NLRC5: variants seen among roughly 807,000 people sequenced by gnomAD.
NLRC5 encodes the protein NLR family CARD domain containing 5, also known as protein NLRC5.
A neutral mutation model predicts 206.9 loss-of-function variants in NLRC5; 114 were observed. The ratio of observed to expected loss-of-function variants is 0.55; its 90% CI spans 0.47 to 0.64. NLRC5 has a LOEUF of 0.64. Ranked by LOEUF, NLRC5 falls within the 30% of genes least tolerant of loss-of-function variation. NLRC5 has a pLI of 0.00. For missense variants in NLRC5, 2,008 were observed against 2,305.5 expected (o/e 0.87, Z 2.64); for synonymous variants, 952 against 962.8 (o/e 0.99, Z 0.21).
chr16:57,051,019 A>T (rs2064825281), intron 23 of NLRC5, among the ~76,000 whole-genome samples: 1 of 150,204 alleles, frequency 6.7e-6, no homozygotes, highest in African/African-American at 2.5e-5. Flanking sequence ...CGCCTGGCTA[A>T]TTTTTTTTTC....
Position 57,043,527 on chromosome 16 carries a change from C to A in NLRC5, c.3126C>A (p.Asn1042Lys). ...GALQSLNLSENGLSLDAVLGL... is the reference protein window; with the variant it reads ...GALQSLNLSEKGLSLDAVLGL... ...CTGTGATCTCCAGCCTCAGTGAGAACGGTTTGTCCCTGGATGCCGTGTTGG... is the reference window on the plus strand; with the variant it reads ...CTGTGATCTCCAGCCTCAGTGAGAAAGGTTTGTCCCTGGATGCCGTGTTGG... Residue 1042 changes from asparagine (N) to lysine (K), a missense_variant, in exon 20 of 49, where the codon AAC (asparagine) becomes AAA (lysine). Physicochemically the swap from Asn to Lys is moderately conservative, Grantham distance 94 (BLOSUM62 0). Transcript: ENST00000688547. The A allele has an allele frequency of 1.2e-6, 2 of 1,614,004 alleles. No homozygotes were observed. Among genetic ancestry groups the A allele is most frequent in the East Asian group, 2.2e-5 (1 of 44,874 alleles).
chr16:57,043,860 C>T (rs534212463), intron 20 of NLRC5: 11 of 532,894 alleles, frequency 2.1e-5, no homozygotes, highest in East Asian at 6.3e-5. Context: ...CTGCCTCACT[C>T]GTTCTTTGGA....
chr16:57,069,866 C>A lies in NLRC5; in HGVS notation c.4530C>A (p.Gly1510=). ...CCTCCAGCTGTGTGAGCACCGAGGGCCTCGCCCACCTGGCATCTGGTCTGG... is the reference window on the plus strand; with the variant it reads ...CCTCCAGCTGTGTGAGCACCGAGGGACTCGCCCACCTGGCATCTGGTCTGG... The part of the protein sequence containing the change: ...RLTSSCVSTE[G]LAHLASGLGH... Residue 1510 remains glycine, a synonymous_variant, in exon 37 of 49, where the codon GGC becomes GGA. Transcript: ENST00000688547. 6.2e-7 allele frequency: 1 copy of A among 1,602,144 alleles called. No homozygotes were observed. The highest frequency in any genetic ancestry group is 1.7e-4 in the Middle Eastern group (1 of 5,782).
At chr16:57,030,449 T>TGGATGGAC (rs1297185203) in intron 10 of NLRC5, among the ~76,000 whole-genome samples, 1 of 135,944 alleles carries the variant, frequency 7.4e-6, no homozygotes. Context: ...GATGGATGGA[T>TGGATGGAC]GGATGGATGG....
intron 5 of NLRC5, 127 bp downstream of exon 5, chr16:57,023,980 T>G: frequency 1.1e-6 from 1 of 875,384 alleles, no homozygotes; most frequent in Non-Finnish European, 1.8e-6. Context: ...TCTCGCAAGT[T>G]TCCAGGAGAA....
intron 17 of NLRC5, among the ~76,000 whole-genome samples, 191 bp downstream of exon 17, chr16:57,040,909 C>CCCAGACAG (rs1217833235): frequency 2.6e-5 from 4 of 152,036 alleles, no homozygotes; most frequent in African/African-American, 9.7e-5. Flanking sequence ...ACAGGGCTCA[C>CCCAGACAG]AAGGCAGCCC....
At chr16:57,042,610 C>A (rs1209178936) in intron 19 of NLRC5, among the ~76,000 whole-genome samples, 1 of 152,156 alleles carries the variant, frequency 6.6e-6, no homozygotes, top group Non-Finnish European at 1.5e-5. Context: ...CACAAAGCAC[C>A]CCCTCCTCCC....
At chr16:57,049,204 A>G (rs1308148311) in intron 23 of NLRC5, among the ~76,000 whole-genome samples, 2 of 152,242 alleles carry the variant, frequency 1.3e-5, no homozygotes, top group African/African-American at 2.4e-5. Context: ...CCTAGGCTGC[A>G]TGCAGCAGGC....
intron 5 of NLRC5, among the ~76,000 whole-genome samples, chr16:57,024,092 G>A (rs771005467): frequency 7.9e-5 from 12 of 152,248 alleles, no homozygotes; most frequent in Non-Finnish European, 1.3e-4. Flanking sequence ...AGAGGGCTCC[G>A]CTGAAGGAGC....
chr16:56,995,339 A>G (rs2057469748), intron 1 of NLRC5, among the ~76,000 whole-genome samples: 1 of 152,124 alleles, frequency 6.6e-6, no homozygotes, highest in Non-Finnish European at 1.5e-5. Context: ...CTGTCTCAAG[A>G]AAGGAAGGGC....
At chr16:57,076,741 C>T (rs1055386090) in intron 39 of NLRC5, 78 bp from the exon 40 acceptor site, 2 of 1,361,464 alleles carry the variant, frequency 1.5e-6, no homozygotes, top group Admixed American at 1.7e-5. Flanking sequence ...GCTTTGCAAA[C>T]TGTAGAGTTC....
At chr16:57,078,927 T>G (rs2068777952) in intron 43 of NLRC5, 123 bp from the exon 44 acceptor site, 2 of 852,208 alleles carry the variant, frequency 2.3e-6, no homozygotes, top group Admixed American at 4.5e-5. Flanking sequence ...CCAGGTCCTG[T>G]GTGGATGGGG....
intron 20 of NLRC5, among the ~76,000 whole-genome samples, chr16:57,044,588 C>T (rs567592531): frequency 1.5e-4 from 23 of 152,166 alleles, no homozygotes; most frequent in Non-Finnish European, 2.5e-4. Flanking sequence ...CCTCTCCAGG[C>T]CTCAGTTTCC....
intron 11 of NLRC5, 37 bp from the exon 12 acceptor site, chr16:57,033,567 C>G (rs781093859): frequency 6.2e-7 from 1 of 1,610,028 alleles, no homozygotes; most frequent in Non-Finnish European, 8.5e-7. Context: ...GCCCTAGATG[C>G]CTGAGCCCAG....
At chr16:57,079,342 A>C (rs753831243) in intron 45 of NLRC5, 50 bp downstream of exon 45, 1 of 1,588,650 alleles carries the variant, frequency 6.3e-7, no homozygotes, top group Admixed American at 1.7e-5. Flanking sequence ...GGCTGAGGGC[A>C]GCCCTTCTCT....
chr16:57,044,074 G>A (rs747592467), intron 20 of NLRC5, among the ~76,000 whole-genome samples: 9 of 151,740 alleles, frequency 5.9e-5, no homozygotes, highest in Middle Eastern at 3.4e-3. Context: ...CAAGGTGGGC[G>A]GATCACGTGA....
chr16:57,057,490 T>C (rs2065831306), intron 27 of NLRC5, among the ~76,000 whole-genome samples: 2 of 152,216 alleles, frequency 1.3e-5, no homozygotes, highest in African/African-American at 4.8e-5. Flanking sequence ...TCAGGTGAGG[T>C]TTCCAATATT....
At chr16:57,072,691 T>C in intron 38 of NLRC5, among the ~76,000 whole-genome samples, 1 of 77,512 alleles carries the variant, frequency 1.3e-5, no homozygotes, top group East Asian at 3.9e-4. Flanking sequence ...TTTCATCTCT[T>C]AACTTTTTCT....
chr16:57,049,397 G>A (rs372805805), intron 23 of NLRC5, among the ~76,000 whole-genome samples: 1 of 152,188 alleles, frequency 6.6e-6, no homozygotes, highest in Non-Finnish European at 1.5e-5. Context: ...TGGGATGCGG[G>A]CTCTGCTGGC....
Sources: allele counts gnomAD v4.1 joint callset (sites outside exome capture counted in the v4.1 genomes callset), GRCh38; gene constraint gnomAD v4.1.1; transcripts MANE v1.5; gene names NCBI Gene and HGNC (gene_info 2026-07-23, HGNC 2026-07-21).